Variants in OR2L13 observed in about 807,000 individuals in gnomAD.
The protein encoded by OR2L13 is olfactory receptor family 2 subfamily L member 13, also known as olfactory receptor 2L13.
Under a neutral mutation model 15.3 loss-of-function variants are expected in OR2L13, and 14 were observed. That is an observed-to-expected ratio of 0.91 (90% confidence interval 0.60 to 1.43). The LOEUF is 1.43. Ranked by LOEUF, OR2L13 falls within the 40% of genes most tolerant of loss-of-function variation. The pLI is 0.00. For synonymous variants in OR2L13, 152 were observed against 142.9 expected, an observed-to-expected ratio of 1.06 and a Z score of -0.45; for missense variants, 367 against 387.9, an observed-to-expected ratio of 0.95 and a Z score of 0.45.
the OR2L13 span, among the ~76,000 whole-genome samples, chr1:248,065,558 A>G: frequency 2.7e-5 from 4 of 149,066 alleles, no homozygotes; most frequent in Admixed American, 1.3e-4. Flanking sequence ...AGCATTAGGT[A>G]TATCTCCTAA....
At chr1:248,022,552 G>A in the OR2L13 span, 1 of 1,614,158 alleles carries the variant, frequency 6.2e-7, no homozygotes, top group Admixed American at 1.7e-5. Context: ...TTTTTGAGCA[G>A]CACCATCTTT....
At chr1:247,976,047 G>A in the OR2L13 span, among the ~76,000 whole-genome samples, 1 of 152,048 alleles carries the variant, frequency 6.6e-6, no homozygotes, top group African/African-American at 2.4e-5. Context: ...AGATAGTATT[G>A]TATTTTCTCT....
At chr1:248,076,640 CTCTG>C in the OR2L13 span, among the ~76,000 whole-genome samples, 1 of 151,440 alleles carries the variant, frequency 6.6e-6, no homozygotes, top group South Asian at 2.1e-4. Flanking sequence ...TGATTTGGCT[CTCTG>C]TCTGTTAATG....
the OR2L13 span, among the ~76,000 whole-genome samples, chr1:247,988,080 C>T: frequency 6.6e-6 from 1 of 151,860 alleles, no homozygotes; most frequent in South Asian, 2.1e-4. Context: ...AAATATTTCT[C>T]ACTTTGTGAT....
At chr1:247,966,039 G>A in the OR2L13 span, 1 of 1,614,070 alleles carries the variant, frequency 6.2e-7, no homozygotes, top group Non-Finnish European at 8.5e-7. Context: ...ATGCTCGTGT[G>A]CTTATTGTGG....
the OR2L13 span, among the ~76,000 whole-genome samples, chr1:247,989,014 G>A: frequency 6.6e-6 from 1 of 151,890 alleles, no homozygotes; most frequent in Admixed American, 6.6e-5. Context: ...CATTCTATTG[G>A]GGAGAGCGTG....
the OR2L13 span, among the ~76,000 whole-genome samples, chr1:247,977,658 A>G: frequency 1.3e-5 from 2 of 152,200 alleles, no homozygotes; most frequent in African/African-American, 4.8e-5. Context: ...CTACTTCCGT[A>G]TGACTGCTTA....
the OR2L13 span, among the ~76,000 whole-genome samples, chr1:247,952,528 A>G: frequency 2.0e-5 from 3 of 152,170 alleles, no homozygotes; most frequent in African/African-American, 7.2e-5. Flanking sequence ...ATGTCATAGA[A>G]GCCACCATCT....
At chr1:248,070,221 G>T in the OR2L13 span, among the ~76,000 whole-genome samples, 1 of 152,082 alleles carries the variant, frequency 6.6e-6, no homozygotes, top group African/African-American at 2.4e-5. Context: ...CCACATAGTT[G>T]GAAGTAAAGC....
At chr1:247,954,449 A>G in the OR2L13 span, among the ~76,000 whole-genome samples, 2 of 152,100 alleles carry the variant, frequency 1.3e-5, no homozygotes, top group Non-Finnish European at 2.9e-5. Context: ...TCAACATAAG[A>G]TCCTTTTAAT....
chr1:248,020,795 T>C, the OR2L13 span, among the ~76,000 whole-genome samples: 1 of 152,006 alleles, frequency 6.6e-6, no homozygotes, highest in Admixed American at 6.5e-5. Flanking sequence ...TTTCATTTCA[T>C]TTTATTATTA....
At chr1:247,943,387 C>A in the OR2L13 span, among the ~76,000 whole-genome samples, 1 of 152,024 alleles carries the variant, frequency 6.6e-6, no homozygotes, top group Non-Finnish European at 1.5e-5. Context: ...ACAATATAAC[C>A]ATGTAACAAA....
chr1:247,956,757 G>A, the OR2L13 span, among the ~76,000 whole-genome samples: 2 of 152,156 alleles, frequency 1.3e-5, no homozygotes, highest in African/African-American at 4.8e-5. Flanking sequence ...TCTGTTATTC[G>A]TGTAGAAGAA....
At chr1:247,964,949 T>A in the OR2L13 span, among the ~76,000 whole-genome samples, 2 of 149,514 alleles carry the variant, frequency 1.3e-5, no homozygotes, top group Non-Finnish European at 3.0e-5. Flanking sequence ...ATATAAAATA[T>A]ACTTGTCTTT....
At chr1:248,065,515 T>A in the OR2L13 span, among the ~76,000 whole-genome samples, 39 of 151,684 alleles carry the variant, frequency 2.6e-4, no homozygotes, top group African/African-American at 8.9e-4. Context: ...ACATGTGCCA[T>A]GCTGGTGCGC....
chr1:248,049,388 G>A, the OR2L13 span, among the ~76,000 whole-genome samples: 2 of 152,300 alleles, frequency 1.3e-5, no homozygotes, highest in East Asian at 3.9e-4. Flanking sequence ...TGAAACTTGG[G>A]CAGCATTTGG....
chr1:248,094,172 T>G (rs965858502), upstream of OR2L13, among the ~76,000 whole-genome samples: 5 of 152,070 alleles, frequency 3.3e-5, no homozygotes, highest in Admixed American at 6.6e-5. Flanking sequence ...AAACATCACA[T>G]GTACCTCATG....
chr1:248,097,582 A>C (rs1049175543), intron 1 of OR2L13, among the ~76,000 whole-genome samples: 13 of 152,204 alleles, frequency 8.5e-5, no homozygotes, highest in African/African-American at 3.1e-4. Flanking sequence ...TCATTATTGT[A>C]GTAACTGCCA....
the OR2L13 span, among the ~76,000 whole-genome samples, chr1:248,004,332 T>C: frequency 1.8e-4 from 27 of 152,238 alleles, no homozygotes; most frequent in Non-Finnish European, 3.2e-4. Context: ...TGTTTTTAGT[T>C]ATGCAGAAAT....
Sources: allele counts gnomAD v4.1 joint callset (sites outside exome capture counted in the v4.1 genomes callset), GRCh38; gene constraint gnomAD v4.1.1; transcripts MANE v1.5; gene names NCBI Gene and HGNC (gene_info 2026-07-23, HGNC 2026-07-21).